The following SMYD3 variants were observed in gnomAD, a reference collection of about 807,000 sequenced individuals.
SMYD3 encodes the protein histone-lysine N-methyltransferase SMYD3.
In SMYD3, 36 loss-of-function variants were observed where a neutral mutation model predicts 57.7. The observed-to-expected ratio is 0.62, with a 90% CI of 0.48 to 0.82. The LOEUF (loss-of-function observed/expected upper bound fraction) is 0.82. SMYD3 is among the 40% of genes least tolerant of loss of function. SMYD3 has a pLI of 0.00. For synonymous variants in SMYD3, 211 were observed against 195.0 expected (o/e 1.08, Z -0.68); for missense variants, 515 against 538.8 (o/e 0.96, Z 0.44).
At chr1:246,244,384 G>GA (rs150654422) in intron 5 of SMYD3, among the ~76,000 whole-genome samples, 9,155 of 149,522 alleles carry the variant, frequency 0.061, 341 homozygotes, top group African/African-American at 0.093. Context: ...TGTGAGTGTG[G>GA]AAAAAAAAAA....
intron 2 of SMYD3, among the ~76,000 whole-genome samples, chr1:246,348,069 T>C (rs931410102): frequency 3.0e-5 from 2 of 65,808 alleles, no homozygotes; most frequent in African/African-American, 1.2e-4. Flanking sequence ...GTTATATATA[T>C]ATATATATAC....
chr1:246,055,149 C>T (rs565102941), intron 5 of SMYD3, among the ~76,000 whole-genome samples: 2 of 151,490 alleles, frequency 1.3e-5, no homozygotes, highest in African/African-American at 4.8e-5. Context: ...GCACTCCAGC[C>T]TGGGTGACAG....
intron 8 of SMYD3, among the ~76,000 whole-genome samples, chr1:245,885,142 C>T (rs149208244): frequency 0.017 from 2,655 of 152,270 alleles, 74 homozygotes; most frequent in African/African-American, 0.06. Context: ...TGAAGGTCTG[C>T]GGCTTCACTC....
intron 10 of SMYD3, among the ~76,000 whole-genome samples, chr1:245,821,155 G>A (rs1304180704): frequency 6.7e-6 from 1 of 149,838 alleles, no homozygotes; most frequent in Non-Finnish European, 1.5e-5. Context: ...TATACTACAA[G>A]GCTACAGTAA....
At chr1:246,343,318 GTGAGCACA>G in intron 2 of SMYD3, among the ~76,000 whole-genome samples, 1 of 152,140 alleles carries the variant, frequency 6.6e-6, no homozygotes, top group East Asian at 1.9e-4. Flanking sequence ...AATACGGTAG[GTGAGCACA>G]TGTATTTTAT....
chr1:245,860,660 C>T (rs952563030), intron 9 of SMYD3, among the ~76,000 whole-genome samples: 2 of 152,152 alleles, frequency 1.3e-5, no homozygotes, highest in African/African-American at 2.4e-5. Context: ...TGAAGAAAAG[C>T]GAGTGCATGA....
chr1:245,989,589 A>G (rs1043918138), intron 5 of SMYD3, among the ~76,000 whole-genome samples: 12 of 152,256 alleles, frequency 7.9e-5, no homozygotes, highest in African/African-American at 2.7e-4. Context: ...ACTGGATACA[A>G]AGGAGAAGCA....
chr1:246,034,265 C>T (rs1349748637), intron 5 of SMYD3, among the ~76,000 whole-genome samples: 1 of 152,010 alleles, frequency 6.6e-6, no homozygotes, highest in Non-Finnish European at 1.5e-5. Context: ...CCTTTTTTTC[C>T]CTATGAATCT....
intron 5 of SMYD3, among the ~76,000 whole-genome samples, chr1:246,084,847 T>C (rs1465583943): frequency 6.6e-6 from 1 of 152,212 alleles, no homozygotes; most frequent in Non-Finnish European, 1.5e-5. Flanking sequence ...ACTATAGTCA[T>C]ACCATTGAAT....
chr1:246,039,022 C>A (rs2059824772), intron 5 of SMYD3, among the ~76,000 whole-genome samples: 1 of 152,116 alleles, frequency 6.6e-6, no homozygotes, highest in African/African-American at 2.4e-5. Context: ...AAGTCTCTAC[C>A]AGAGTTTAAT....
chr1:246,426,495 A>G (rs74352611), intron 1 of SMYD3, among the ~76,000 whole-genome samples: 9,870 of 152,224 alleles, frequency 0.065, 625 homozygotes, highest in East Asian at 0.32. Flanking sequence ...GATATTTTAC[A>G]TAACGAATCA....
intron 10 of SMYD3, among the ~76,000 whole-genome samples, chr1:245,780,097 C>G (rs530597106): frequency 1.3e-5 from 2 of 152,278 alleles, no homozygotes; most frequent in South Asian, 4.1e-4. Context: ...AGTACAGCCA[C>G]TTTGGAAAAT....
At chr1:246,324,983 T>TC in intron 5 of SMYD3, among the ~76,000 whole-genome samples, 1 of 106,914 alleles carries the variant, frequency 9.4e-6, no homozygotes, top group Non-Finnish European at 1.9e-5. Context: ...GGAGAAGGAG[T>TC]CAGGGGGCGG....
At chr1:246,135,547 A>G (rs4654213) in intron 5 of SMYD3, among the ~76,000 whole-genome samples, 80,098 of 151,864 alleles carry the variant, frequency 0.53, 24,413 homozygotes, top group Non-Finnish European at 0.7. Context: ...GGCAAAGAAC[A>G]TAAATTTGCT....
chr1:245,766,768 TAGC>T (rs2046125557), intron 10 of SMYD3, among the ~76,000 whole-genome samples: 1 of 152,192 alleles, frequency 6.6e-6, no homozygotes, highest in African/African-American at 2.4e-5. Context: ...TCATGTCAGT[TAGC>T]AGAAGGAAAG....
chr1:246,450,291 C>CA (rs970514080), intron 1 of SMYD3, among the ~76,000 whole-genome samples: 3,045 of 142,352 alleles, frequency 0.021, 94 homozygotes, highest in African/African-American at 0.069. Flanking sequence ...AACTCTATCT[C>CA]AAAAAAAAAA....
intron 1 of SMYD3, among the ~76,000 whole-genome samples, chr1:246,386,937 A>G (rs2148761861): frequency 6.6e-6 from 1 of 152,262 alleles, no homozygotes; most frequent in South Asian, 2.1e-4. Context: ...AAAAGGGACT[A>G]CACAATAAGC....
intron 5 of SMYD3, among the ~76,000 whole-genome samples, chr1:246,252,450 T>C (rs1324627975): frequency 6.6e-6 from 1 of 152,174 alleles, no homozygotes; most frequent in Admixed American, 6.5e-5. Context: ...ATGAGTGAAT[T>C]TGCCCAAGGT....
chr1:245,921,710 T>C (rs574127814), intron 7 of SMYD3, among the ~76,000 whole-genome samples: 2 of 152,264 alleles, frequency 1.3e-5, no homozygotes, highest in Non-Finnish European at 2.9e-5. Flanking sequence ...TACAGATTTC[T>C]CATAAATTGT....
Sources: gnomAD v4.1 joint callset for allele counts (sites outside exome capture counted in the v4.1 genomes callset) on GRCh38, gnomAD v4.1.1 for gene constraint, MANE v1.5 for transcripts, NCBI Gene and HGNC (gene_info 2026-07-23, HGNC 2026-07-21) for gene names.